The following MICU2 variants were observed in gnomAD, a reference collection of about 807,000 sequenced individuals.
MICU2 encodes the protein mitochondrial calcium uptake 2, also known as calcium uptake protein 2, mitochondrial.
In MICU2, 64 loss-of-function variants were observed where a neutral mutation model predicts 60.4. The ratio of observed to expected loss-of-function variants is 1.06; its 90% CI spans 0.87 to 1.31. The LOEUF (loss-of-function observed/expected upper bound fraction) is 1.31, where lower values mean the gene tolerates loss of function less well. Ranked by LOEUF, MICU2 falls within the 50% of genes most tolerant of loss-of-function variation. MICU2 has a pLI of 0.00. For missense variants in MICU2, 569 were observed against 531.0 expected (o/e 1.07, Z -0.70); for synonymous variants, 201 against 175.0 (o/e 1.15, Z -1.17).
At chr13:21,515,283 C>T (rs927437938) in intron 6 of MICU2, among the ~76,000 whole-genome samples, 6 of 152,100 alleles carry the variant, frequency 3.9e-5, no homozygotes, top group South Asian at 2.1e-4. Context: ...GGGGTTTCAC[C>T]GTGTTAGCCA....
Position 21,514,347 on chromosome 13 carries a change from A to G in MICU2, c.663+6T>C, listed in dbSNP as rs775682740. On this transcript the variant is annotated splice_donor_region_variant and intron_variant, in intron 7 of 11. Coordinates refer to ENST00000382374, the MANE Select transcript of MICU2 (RefSeq NM_152726.3). ...TATCAATTGTTTGGAAATCATCTGT[A>G]CATACCTGATATCCAGTTTCATTAG... 6.2e-7 allele frequency: 1 copy of G among 1,605,990 alleles called. No homozygotes were observed. Among genetic ancestry groups the G allele is most frequent in the Non-Finnish European group, 8.5e-7 (1 of 1,173,792 alleles).
intron 4 of MICU2, among the ~76,000 whole-genome samples, chr13:21,528,919 A>T (rs932334104): frequency 1.3e-5 from 2 of 152,170 alleles, no homozygotes; most frequent in Non-Finnish European, 2.9e-5. Context: ...GAGTAGAGGG[A>T]GAGAGAGAAT....
intron 9 of MICU2, among the ~76,000 whole-genome samples, chr13:21,498,811 G>A (rs61950049): frequency 9.5e-6 from 1 of 104,900 alleles, no homozygotes; most frequent in Non-Finnish European, 2.1e-5. Context: ...ATGATAGAGA[G>A]GGAAAAAAGG....
chr13:21,591,864 T>A (rs960783574), intron 1 of MICU2, among the ~76,000 whole-genome samples: 1 of 152,078 alleles, frequency 6.6e-6, no homozygotes, highest in African/African-American at 2.4e-5. Context: ...GCTAAGGCAA[T>A]GATAAAGGGG....
At chr13:21,571,425 C>T (rs1372542698) in intron 1 of MICU2, among the ~76,000 whole-genome samples, 3 of 152,104 alleles carry the variant, frequency 2.0e-5, no homozygotes, top group East Asian at 1.9e-4. Context: ...AGGCTGGGCA[C>T]GGGGGCTCAC....
intron 4 of MICU2, among the ~76,000 whole-genome samples, chr13:21,524,691 G>A (rs1296877516): frequency 6.6e-6 from 1 of 152,010 alleles, no homozygotes. Context: ...GTACATTCAC[G>A]CTGTTGTACA....
intron 2 of MICU2, among the ~76,000 whole-genome samples, chr13:21,546,008 T>TGG (rs1887408616): frequency 6.6e-6 from 1 of 152,186 alleles, no homozygotes; most frequent in Non-Finnish European, 1.5e-5. Flanking sequence ...CCCATAAGTA[T>TGG]GTACAATTAT....
chr13:21,495,087 C>T (rs556810123), intron 11 of MICU2, 74 bp downstream of exon 11: 10 of 1,230,886 alleles, frequency 8.1e-6, no homozygotes, highest in Non-Finnish European at 1.1e-5. Context: ...AAAGACTGTA[C>T]AATTGCCCAA....
In MICU2 at chr13:21,556,208, T is replaced by C. The variant is rs774996494; in HGVS notation, c.358+10589A>G. On this transcript the variant is annotated intron_variant, in intron 2 of 11. Coordinates refer to ENST00000382374, the MANE Select transcript of MICU2 (RefSeq NM_152726.3). ...ATAAAGGTCACCAATAACCCTCATA[T>C]TGCCAAATCTAATGGTCAATTCTTA... Among the ~76,000 whole-genome samples the C allele has an allele frequency of 5.3e-5, 8 of 152,198 alleles. No homozygotes were observed. In the East Asian group the frequency reaches 1.5e-3, roughly 29 times the overall value.
At position 21,521,238 on chromosome 13, in the gene MICU2, C is replaced by CA; in HGVS notation, c.597+6dup. ...TGATAAACCTAAAATAATTAGCGTCCACTTACCTTAAAAAATTCCCTTTTT... is the reference window on the plus strand; with the variant it reads ...TGATAAACCTAAAATAATTAGCGTCCAACTTACCTTAAAAAATTCCCTTTTT... On this transcript the variant is annotated splice_region_variant and intron_variant, in intron 6 of 11. Transcript: ENST00000382374. The CA allele has an allele frequency of 6.3e-7, 1 of 1,586,170 alleles. No homozygotes were observed. The highest frequency in any genetic ancestry group is 8.6e-7 in the Non-Finnish European group (1 of 1,165,790).
At chr13:21,558,190 C>T (rs970373102) in intron 2 of MICU2, among the ~76,000 whole-genome samples, 2 of 152,250 alleles carry the variant, frequency 1.3e-5, no homozygotes, top group East Asian at 3.9e-4. Context: ...CTATCGCCCC[C>T]CAGTGTTAAG....
At chr13:21,571,332 A>C (rs576588132) in intron 1 of MICU2, among the ~76,000 whole-genome samples, 4 of 152,300 alleles carry the variant, frequency 2.6e-5, no homozygotes, top group African/African-American at 9.6e-5. Flanking sequence ...TATCAAAGTT[A>C]TTTGAGACCA....
intron 1 of MICU2, among the ~76,000 whole-genome samples, chr13:21,595,180 C>T (rs923315384): frequency 1.3e-5 from 2 of 152,146 alleles, no homozygotes; most frequent in Non-Finnish European, 2.9e-5. Context: ...GAACTGTATA[C>T]CGGCTGTCAA....
intron 8 of MICU2, among the ~76,000 whole-genome samples, chr13:21,506,353 C>T (rs1886292241): frequency 6.6e-6 from 1 of 152,176 alleles, no homozygotes; most frequent in Non-Finnish European, 1.5e-5. Context: ...CTTTCTCACC[C>T]ACAACCTCAG....
chr13:21,507,503 A>C (rs1886317704), intron 8 of MICU2, among the ~76,000 whole-genome samples: 1 of 152,192 alleles, frequency 6.6e-6, no homozygotes, highest in African/African-American at 2.4e-5. Context: ...TATGGTTTAA[A>C]ATTTTGTTGA....
At chr13:21,599,566 G>A (rs897408973) in intron 1 of MICU2, among the ~76,000 whole-genome samples, 2 of 152,200 alleles carry the variant, frequency 1.3e-5, no homozygotes, top group African/African-American at 4.8e-5. Flanking sequence ...TTTGTAGGAG[G>A]CACTATTTTG....
intron 2 of MICU2, among the ~76,000 whole-genome samples, chr13:21,557,504 C>T (rs1336037447): frequency 6.6e-6 from 1 of 152,246 alleles, no homozygotes; most frequent in Admixed American, 6.5e-5. Flanking sequence ...AGATGGTTTA[C>T]AGAAGCCTCA....
intron 2 of MICU2, among the ~76,000 whole-genome samples, chr13:21,554,787 T>TA (rs1414307663): frequency 6.6e-6 from 1 of 151,464 alleles, no homozygotes; most frequent in African/African-American, 2.4e-5. Context: ...GCAAGACTAA[T>TA]AAAGAAGAGA....
intron 8 of MICU2, among the ~76,000 whole-genome samples, chr13:21,508,258 A>T (rs1341721712): frequency 6.6e-6 from 1 of 151,324 alleles, no homozygotes. Flanking sequence ...CCCAAGTAGC[A>T]GGGTCTACAG....
Sources: gnomAD v4.1 joint callset for allele counts (sites outside exome capture counted in the v4.1 genomes callset) on GRCh38, gnomAD v4.1.1 for gene constraint, MANE v1.5 for transcripts, NCBI Gene and HGNC (gene_info 2026-07-23, HGNC 2026-07-21) for gene names.